PEX1: variants seen among roughly 807,000 people sequenced by gnomAD.
PEX1 encodes the protein peroxisomal ATPase PEX1.
A neutral mutation model predicts 152.5 loss-of-function variants in PEX1; 97 were observed. That is an observed-to-expected ratio of 0.64 (90% CI 0.54 to 0.75). The LOEUF is 0.75. Among genes scored for constraint, PEX1 ranks in the 30% least tolerant of loss-of-function variants. The probability of loss-of-function intolerance (pLI) is 0.00; values close to 1 mark genes in which losing one functional copy is unlikely to be tolerated. For synonymous variants in PEX1, 485 were observed against 531.6 expected (o/e 0.91, Z 1.21); for missense variants, 1,357 against 1,516.3 (o/e 0.89, Z 1.74).
intron 2 of PEX1, among the ~76,000 whole-genome samples, chr7:92,520,913 A>G (rs569253647): frequency 6.6e-6 from 1 of 152,366 alleles, no homozygotes; most frequent in African/African-American, 2.4e-5. Context: ...GGACTGGGAA[A>G]AGGTAAAAAC....
At chr7:92,489,623 G>T (rs1791163045) in intron 22 of PEX1, 91 bp downstream of exon 22, 2 of 1,199,830 alleles carry the variant, frequency 1.7e-6, no homozygotes, top group Non-Finnish European at 2.4e-6. Context: ...TATAAATATA[G>T]CTCGTTTATA....
Position 92,489,414 on chromosome 7 carries a change from A to G in PEX1, c.3646T>C (p.Ser1216Pro). 1 of 1,613,140 alleles carries G rather than the reference A, an allele frequency of 6.2e-7. No homozygotes were observed. Among genetic ancestry groups the G allele is most frequent in the East Asian group, 2.2e-5 (1 of 44,844 alleles). The change falls in exon 23 of 24, where the codon TCC (serine) becomes CCC (proline). Residue 1216 changes from serine to proline, a missense_variant. By Grantham distance (74) the Ser-to-Pro change is moderately conservative (BLOSUM62 -1). Coordinates refer to ENST00000248633, the MANE Select transcript of PEX1 (RefSeq NM_000466.3). ...RYRSQSGEDE[S>P]MNQPGPIKTR... ...TTGATTGGTCCTGGTTGGTTCATGG[A>G]TTCGTCCTCCTTAAGTAAAAAAAGA...
chr7:92,510,480 T>A (rs1028801292), intron 8 of PEX1, among the ~76,000 whole-genome samples: 6 of 151,044 alleles, frequency 4.0e-5, no homozygotes, highest in Non-Finnish European at 5.9e-5. Context: ...AAAAAAAAAA[T>A]AATAATATAA....
In PEX1 at chr7:92,493,003, T is replaced by C; in HGVS notation, c.3157A>G (p.Asn1053Asp). 1 of 1,613,952 alleles carries C rather than the reference T, an allele frequency of 6.2e-7. No individual in the cohort carries two copies. Among genetic ancestry groups the C allele is most frequent in the Middle Eastern group, 1.6e-4 (1 of 6,062 alleles). Residue 1053 changes from asparagine to aspartate, a missense_variant, in exon 20 of 24, where the codon AAT becomes GAT. By Grantham distance (23) the Asn-to-Asp change is conservative (BLOSUM62 1). Transcript: ENST00000248633. Reference protein sequence around the residue: ...TGADLKALLYNAQLEALHGML... With the variant: ...TGADLKALLYDAQLEALHGML... The stretch of plus-strand genomic sequence containing the variant: ...CCATGTAAGGCCTCCAATTGGGCAT[T>C]GTAAAGTAAAGCTTTCAGATCAGCT...
intron 2 of PEX1, 52 bp downstream of exon 2, chr7:92,522,050 T>C: frequency 1.3e-6 from 2 of 1,559,884 alleles, no homozygotes; most frequent in African/African-American, 2.7e-5. Context: ...TTTATTTCTA[T>C]TGCTATATTA....
At chr7:92,513,399 A>C (rs1210563228) in intron 6 of PEX1, among the ~76,000 whole-genome samples, 12 of 152,120 alleles carry the variant, frequency 7.9e-5, no homozygotes, top group Admixed American at 7.9e-4. Flanking sequence ...ATTCTGATAC[A>C]TACAACACAG....
Position 92,507,113 on chromosome 7 carries a change from A to T in PEX1, c.1684T>A (p.Leu562Ile). ...ATGTGCTCCAAGGAGGATACGCCTA[A>T]GGAATTCACTCCTCTGTAAAAAATA... ...KLSSLGGVNSLGVSSLEHITH... is the reference protein window; with the variant it reads ...KLSSLGGVNSIGVSSLEHITH... The change falls in exon 10 of 24, where the codon TTA becomes ATA. Residue 562 changes from leucine to isoleucine, a missense_variant. Coordinates refer to ENST00000248633, the MANE Select transcript of PEX1 (RefSeq NM_000466.3). The T allele has an allele frequency of 6.2e-7, 1 of 1,613,810 alleles. No homozygotes were observed. The highest frequency in any genetic ancestry group is 8.5e-7 in the Non-Finnish European group (1 of 1,179,694).
intron 1 of PEX1, among the ~76,000 whole-genome samples, chr7:92,525,089 G>A (rs959869158): frequency 6.6e-6 from 1 of 152,208 alleles, no homozygotes; most frequent in Non-Finnish European, 1.5e-5. Flanking sequence ...GCCACAATAT[G>A]TGCTCAGTTA....
At chr7:92,527,298 T>TC (rs1255110569) in intron 1 of PEX1, among the ~76,000 whole-genome samples, 6 of 152,168 alleles carry the variant, frequency 3.9e-5, no homozygotes, top group African/African-American at 1.2e-4. Flanking sequence ...AAAAATCCCA[T>TC]CGAAGCTGAC....
chr7:92,520,007 A>C (rs1792980990), intron 2 of PEX1, among the ~76,000 whole-genome samples: 1 of 152,132 alleles, frequency 6.6e-6, no homozygotes, highest in African/African-American at 2.4e-5. Context: ...CCCTTACTGA[A>C]AAGGATGATT....
chr7:92,499,816 A>G lies in PEX1; in HGVS notation c.2606T>C (p.Leu869Ser), dbSNP rs1265203858. The G allele has an allele frequency of 6.2e-7, 1 of 1,609,436 alleles. No homozygotes were observed. Among genetic ancestry groups the G allele is most frequent in the Non-Finnish European group, 8.5e-7 (1 of 1,177,182 alleles). ...PAKYPELFAN[L>S]PIRQRTGILL... ...TATTCCTGTTCTTTGTCGTATGGGCAAGTTTGCAAATAATTCTGGATACTG... is the reference window on the plus strand; with the variant it reads ...TATTCCTGTTCTTTGTCGTATGGGCGAGTTTGCAAATAATTCTGGATACTG... Residue 869 changes from leucine (L) to serine (S), a missense_variant, in exon 16 of 24, where the codon TTG becomes TCG. Transcript: ENST00000248633.
chr7:92,525,607 G>A (rs192965237), intron 1 of PEX1, among the ~76,000 whole-genome samples: 50 of 152,304 alleles, frequency 3.3e-4, no homozygotes, highest in African/African-American at 7.9e-4. Context: ...CAGTACAGGC[G>A]TCTACTGGAT....
intron 21 of PEX1, 77 bp downstream of exon 21, chr7:92,491,195 G>C (rs1425261332): frequency 3.0e-6 from 3 of 989,964 alleles, no homozygotes; most frequent in Non-Finnish European, 4.9e-6. Flanking sequence ...GGCTGGTTAG[G>C]AGAGAAATCA....
chr7:92,513,033 A>G (rs1385850037), intron 6 of PEX1, among the ~76,000 whole-genome samples: 1 of 152,224 alleles, frequency 6.6e-6, no homozygotes, highest in Non-Finnish European at 1.5e-5. Context: ...TTAGGCTACA[A>G]TATTAATACT....
intron 6 of PEX1, among the ~76,000 whole-genome samples, chr7:92,512,141 G>T (rs1205109353): frequency 3.3e-5 from 5 of 149,744 alleles, no homozygotes; most frequent in Non-Finnish European, 7.4e-5. Flanking sequence ...CAAGCGATTC[G>T]CTTGCCTCAG....
intron 6 of PEX1, among the ~76,000 whole-genome samples, chr7:92,512,265 G>A (rs10239762): frequency 0.077 from 11,713 of 151,516 alleles, 484 homozygotes; most frequent in Non-Finnish European, 0.087. Context: ...CAGGTGATCC[G>A]CCTGCCTTGG....
intron 2 of PEX1, among the ~76,000 whole-genome samples, chr7:92,519,624 TATTCTC>T (rs1172830593): frequency 6.6e-6 from 1 of 152,178 alleles, no homozygotes; most frequent in African/African-American, 2.4e-5. Flanking sequence ...AATATATAAA[TATTCTC>T]ATTATTTCTA....
At chr7:92,514,275 T>C (rs1247032294) in intron 5 of PEX1, among the ~76,000 whole-genome samples, 1 of 152,166 alleles carries the variant, frequency 6.6e-6, no homozygotes, top group African/African-American at 2.4e-5. Flanking sequence ...TACGATCACC[T>C]TGGGAGTTGG....
rs778065847 is a variant in PEX1 at position 92,490,816 on chromosome 7, A to G, written c.3438+456T>C. On this transcript the variant is annotated intron_variant, in intron 21 of 23. Coordinates refer to ENST00000248633, the MANE Select transcript of PEX1 (RefSeq NM_000466.3). ...CAGTGATACTGCCCACATTTAATCA[A>G]AACACTTTCCTGTTGAAACATTATC... is the stretch of plus-strand genomic sequence containing the variant. 5.3e-4 allele frequency among the ~76,000 whole-genome samples: 80 copies of G among 152,188 alleles called. 1 individual carries two copies. Among genetic ancestry groups the G allele is most frequent in the Non-Finnish European group, 5.9e-4 (40 of 68,032 alleles).
Sources: allele counts gnomAD v4.1 joint callset (sites outside exome capture counted in the v4.1 genomes callset), GRCh38; gene constraint gnomAD v4.1.1; transcripts MANE v1.5; gene names NCBI Gene and HGNC (gene_info 2026-07-23, HGNC 2026-07-21).